Variants in BRF1 observed in about 807,000 individuals in gnomAD.
BRF1 encodes the protein BRF1 general transcription factor IIIB subunit.
BRF1 carries 59 observed loss-of-function variants against 81.7 expected under a neutral mutation model. The ratio of observed to expected loss-of-function variants is 0.72; its 90% CI spans 0.59 to 0.90. The LOEUF is 0.90. Ranked by LOEUF, BRF1 falls within the 40% of genes least tolerant of loss-of-function variation. The pLI, the probability that BRF1 is intolerant of heterozygous loss-of-function variation, is 0.00. For missense variants in BRF1, 1,050 were observed against 936.3 expected (o/e 1.12, Z -1.58); for synonymous variants, 491 against 395.6 (o/e 1.24, Z -2.86).
chr14:105,252,706 C>A, intron 4 of BRF1, 127 bp from the exon 5 acceptor site: 2 of 1,001,204 alleles, frequency 2.0e-6, no homozygotes, highest in Non-Finnish European at 2.9e-6. Flanking sequence ...AGCCACCCCA[C>A]ACCCGCAAGC....
intron 6 of BRF1, 110 bp downstream of exon 6, chr14:105,241,155 C>G (rs1456367240): frequency 2.7e-6 from 4 of 1,502,198 alleles, no homozygotes; most frequent in African/African-American, 1.4e-5. Context: ...CTGGAGGCAG[C>G]TCTCAGTGCT....
At chr14:105,247,955 C>A in intron 5 of BRF1, 2 of 985,486 alleles carry the variant, frequency 2.0e-6, no homozygotes, top group African/African-American at 1.7e-5. Flanking sequence ...CGACTGCGAT[C>A]CACAGGCAGA....
intron 3 of BRF1, among the ~76,000 whole-genome samples, chr14:105,265,021 A>G (rs2056338091): frequency 6.6e-6 from 1 of 151,610 alleles, no homozygotes; most frequent in Non-Finnish European, 1.5e-5. Flanking sequence ...GACAAAAGAC[A>G]TCAAGTCATA....
Position 105,241,388 on chromosome 14 carries a change from C to G in BRF1, c.571G>C (p.Ala191Pro), listed in dbSNP as rs777689168. 5.0e-6 allele frequency: 8 copies of G among 1,612,538 alleles called. No individual in the cohort carries two copies. Among genetic ancestry groups the G allele is most frequent in the Non-Finnish European group, 5.9e-6 (7 of 1,179,942 alleles). Residue 191 changes from alanine (A) to proline (P), a missense_variant, in exon 6 of 18, where the codon GCG becomes CCG. Physicochemically the swap from Ala to Pro is conservative, Grantham distance 27. This residue lies in a region of BRF1 where 1,043 missense variants were observed against 915.4 expected (regional missense o/e 1.14). Coordinates refer to ENST00000547530, the MANE Select transcript of BRF1 (RefSeq NM_001519.4). ...IDPCLYIPRF[A>P]HLLEFGEKNH... ...TTCTCCCCGAATTCCAGCAGGTGCG[C>G]AAAGCGTGGAATATACAGGCACGGG...
intron 4 of BRF1, among the ~76,000 whole-genome samples, chr14:105,254,215 G>A (rs990759206): frequency 2.0e-5 from 3 of 152,192 alleles, no homozygotes; most frequent in Non-Finnish European, 2.9e-5. Flanking sequence ...GGAAACTCAC[G>A]TTTAAAAAGC....
chr14:105,241,185 C>G (rs981684342), intron 6 of BRF1, 80 bp downstream of exon 6: 24 of 1,568,690 alleles, frequency 1.5e-5, no homozygotes, highest in Non-Finnish European at 1.8e-5. Flanking sequence ...TACGGCCCAG[C>G]CCACCAGCAC....
At chr14:105,229,257 C>A (rs189021889) in intron 6 of BRF1, among the ~76,000 whole-genome samples, 4 of 152,218 alleles carry the variant, frequency 2.6e-5, no homozygotes, top group Admixed American at 1.3e-4. Context: ...TCTGAGGATG[C>A]GGAGCCAGGC....
At chr14:105,264,226 G>T (rs7153832) in intron 3 of BRF1, among the ~76,000 whole-genome samples, 41,810 of 151,830 alleles carry the variant, frequency 0.28, 5,976 homozygotes, top group Middle Eastern at 0.3. Context: ...ATCCTAGCAC[G>T]TTGGGAGGCC....
chr14:105,256,122 C>T, intron 4 of BRF1: 1 of 1,312,870 alleles, frequency 7.6e-7, no homozygotes, highest in Non-Finnish European at 1.0e-6. Context: ...GAGACTCCAT[C>T]TCATAAATAA....
chr14:105,229,377 C>G (rs190591933), intron 6 of BRF1, among the ~76,000 whole-genome samples: 2 of 152,210 alleles, frequency 1.3e-5, no homozygotes, highest in African/African-American at 4.8e-5. Context: ...GCAGATGGAA[C>G]GGCTTCTCAG....
intron 1 of BRF1, among the ~76,000 whole-genome samples, chr14:105,291,384 A>G (rs1161699687): frequency 2.0e-5 from 3 of 152,226 alleles, no homozygotes; most frequent in South Asian, 2.1e-4. Context: ...TGCTCATTCA[A>G]CTTAACTGGG....
chr14:105,248,570 C>G (rs2055304136), intron 5 of BRF1: 4 of 24,246 alleles, frequency 1.6e-4, no homozygotes, highest in African/African-American at 4.3e-4. Context: ...GGTACGGGCT[C>G]GGGCGGGCGG....
At chr14:105,224,874 G>C (rs914768459) in intron 10 of BRF1, among the ~76,000 whole-genome samples, 10 of 152,220 alleles carry the variant, frequency 6.6e-5, no homozygotes, top group Non-Finnish European at 1.3e-4. Context: ...GCTTTCTTCT[G>C]AATGTGTTCC....
At chr14:105,223,770 A>G (rs587756278) in intron 10 of BRF1, among the ~76,000 whole-genome samples, 4 of 152,302 alleles carry the variant, frequency 2.6e-5, no homozygotes, top group African/African-American at 9.6e-5. Context: ...GGCACATTTT[A>G]AATATGAGCA....
At chr14:105,214,287 G>A (rs937283540) in intron 15 of BRF1, among the ~76,000 whole-genome samples, 1 of 152,258 alleles carries the variant, frequency 6.6e-6, no homozygotes, top group African/African-American at 2.4e-5. Flanking sequence ...AGAGTGGGAC[G>A]CTCAGGCATG....
chr14:105,300,513 G>T lies in BRF1; in HGVS notation c.117C>A (p.Ser39=). The change falls in exon 1 of 18, where the codon TCC becomes TCA. Residue 39 remains serine, a synonymous_variant. Coordinates refer to ENST00000547530, the MANE Select transcript of BRF1 (RefSeq NM_001519.4). ...GSVLEDNIIV[S]EVQFVESSGG... ...CGCTGCTCTCCACGAACTGCACCTC[G>T]GACACGATGATGTTGTCCTCCAGCA... 1 of 1,537,782 alleles carries T rather than the reference G, an allele frequency of 6.5e-7. No homozygotes were observed.
chr14:105,252,371 C>T, intron 5 of BRF1, 136 bp downstream of exon 5: 3 of 1,426,276 alleles, frequency 2.1e-6, no homozygotes, highest in East Asian at 5.1e-5. Context: ...GAGCTCCTAG[C>T]AGCTTTAAGA....
At chr14:105,219,628 G>A in intron 12 of BRF1, 1 of 409,252 alleles carries the variant, frequency 2.4e-6, no homozygotes, top group East Asian at 4.1e-5. Context: ...AATCAGGGAA[G>A]ACGACTTCCT....
At chr14:105,249,353 C>G (rs759463644) in intron 5 of BRF1, 1 of 1,609,334 alleles carries the variant, frequency 6.2e-7, no homozygotes, top group Non-Finnish European at 8.5e-7. Flanking sequence ...GCGCTTTCTC[C>G]TCCCAGTACG....
Sources: allele counts gnomAD v4.1 joint callset (sites outside exome capture counted in the v4.1 genomes callset), GRCh38; gene constraint gnomAD v4.1.1; regional missense constraint gnomAD v4.1.1; transcripts MANE v1.5; gene names NCBI Gene and HGNC (gene_info 2026-07-23, HGNC 2026-07-21).